The following LACC1 variants were observed in gnomAD, a reference collection of about 807,000 sequenced individuals.
The protein encoded by LACC1 is purine nucleoside phosphorylase LACC1.
A neutral mutation model predicts 34.8 loss-of-function variants in LACC1; 25 were observed. The ratio of observed to expected loss-of-function variants is 0.72; its 90% confidence interval spans 0.52 to 1.00. The LOEUF is 1.00. Ranked by LOEUF, LACC1 falls within the 50% of genes least tolerant of loss-of-function variation. The probability of loss-of-function intolerance (pLI) is 0.00; values close to 1 mark genes in which losing one functional copy is unlikely to be tolerated. For synonymous variants in LACC1, 162 were observed against 168.0 expected, an observed-to-expected ratio of 0.96 and a Z score of 0.28; for missense variants, 426 against 511.2, an observed-to-expected ratio of 0.83 and a Z score of 1.61.
chr13:43,885,470 G>T (rs1955272219), intron 4 of LACC1, among the ~76,000 whole-genome samples: 1 of 152,142 alleles, frequency 6.6e-6, no homozygotes, highest in South Asian at 2.1e-4. Flanking sequence ...ACAACCATCT[G>T]ATCTTTGACA....
chr13:43,890,144 A>G lies in LACC1; in HGVS notation c.1164A>G (p.Pro388=). ...RILLEQGGIL[P]QNIQDQNQDL... ...TTCTAGAACAGGGAGGAATTCTTCC[A>G]CAGAATATTCAGGACCAGAACCAAG... is the stretch of plus-strand genomic sequence containing the variant. Residue 388 remains proline, a synonymous_variant, in exon 6 of 7, where the codon CCA becomes CCG. Transcript: ENST00000325686. The G allele has an allele frequency of 6.2e-7, 1 of 1,612,824 alleles. No individual in the cohort carries two copies. The highest frequency in any genetic ancestry group is 1.1e-5 in the South Asian group (1 of 90,830).
At position 43,881,672 on chromosome 13, in the gene LACC1, A is replaced by G. The variant is rs1020346322; in HGVS notation, c.562+125A>G. ...TGTTGTGGGCTGATTACTCATTAGC[A>G]TCAGTGGCAACACAGAGGTGTCATG... On this transcript the variant is annotated intron_variant, in intron 2 of 6. Coordinates refer to ENST00000325686, the MANE Select transcript of LACC1 (RefSeq NM_153218.4). 4 of 715,240 alleles carry G rather than the reference A, an allele frequency of 5.6e-6. No homozygotes were observed. In the African/African-American group the frequency reaches 7.1e-5, roughly 13 times the overall value. The allele number at this position is 715,240 out of a possible 1,614,324, so 44.3% of individuals were successfully genotyped here.
intron 5 of LACC1, 29 bp downstream of exon 5, chr13:43,889,011 T>C (rs747272151): frequency 1.4e-5 from 22 of 1,526,036 alleles, no homozygotes; most frequent in Non-Finnish European, 1.9e-5. Context: ...AACTGCAAGT[T>C]TGATTATTTC....
At chr13:43,883,221 G>A (rs561698110) in intron 3 of LACC1, among the ~76,000 whole-genome samples, 1 of 152,284 alleles carries the variant, frequency 6.6e-6, no homozygotes, top group South Asian at 2.1e-4. Flanking sequence ...AATTCTAAAA[G>A]TACAGTTAAT....
chr13:43,884,269 C>A (rs1008616010), intron 4 of LACC1, among the ~76,000 whole-genome samples: 6 of 152,096 alleles, frequency 3.9e-5, no homozygotes, highest in Non-Finnish European at 7.4e-5. Flanking sequence ...GTGTCTTTAG[C>A]CCCTGAAATC....
rs192209768 is a variant in LACC1, at chr13:43,893,853, T to C, written c.*2406T>C. On this transcript the variant is annotated 3_prime_UTR_variant, in exon 7 of 7. Transcript: ENST00000325686. ...CATTATTTTGTTTGAAGTTGGTAAA[T>C]TTGGAGTATCCTGCAGACACATTTT... The C allele has an allele frequency of 9.9e-5, 15 of 152,278 alleles. No individual in the cohort carries two copies. The highest frequency in any genetic ancestry group is 3.6e-4 in the African/African-American group (15 of 41,570). 9.4% of individuals were successfully genotyped at this position (152,278 alleles called of 1,614,324 possible). A position where few individuals can be genotyped will look rare whatever the true frequency, so the allele number is the denominator to read the frequency against.
intron 6 of LACC1, 139 bp downstream of exon 6, chr13:43,890,413 T>A (rs1955524388): frequency 1.5e-6 from 1 of 650,810 alleles, no homozygotes; most frequent in South Asian, 2.6e-5. Flanking sequence ...TGTTAAACTT[T>A]ACTCCTTTAT....
In LACC1 at chr13:43,881,156, A is replaced by T. The variant is rs1367590516; in HGVS notation, c.171A>T (p.Glu57Asp). ...CSNISYERDGEQDNCEIETSN... is the reference protein window; with the variant it reads ...CSNISYERDGDQDNCEIETSN... ...ACATCAGCTATGAAAGGGATGGAGA[A>T]CAAGATAATTGTGAAATAGAAACAA... Residue 57 changes from glutamate to aspartate, a missense_variant, in exon 2 of 7, where the codon GAA (glutamate) becomes GAT (aspartate). Physicochemically the swap from Glu to Asp is conservative, Grantham distance 45. Transcript: ENST00000325686. The T allele has an allele frequency of 6.2e-7, 1 of 1,614,232 alleles. No homozygotes were observed. The highest frequency in any genetic ancestry group is 1.1e-5 in the South Asian group (1 of 91,084).
intron 4 of LACC1, among the ~76,000 whole-genome samples, chr13:43,886,460 A>AT: frequency 1.3e-5 from 2 of 152,332 alleles, no homozygotes; most frequent in Middle Eastern, 6.8e-3. Context: ...TTACAGCAAC[A>AT]TAGATGCAGC....
intron 5 of LACC1, 65 bp from the exon 6 acceptor site, chr13:43,890,049 T>C (rs1008328616): frequency 1.4e-6 from 2 of 1,399,268 alleles, no homozygotes; most frequent in African/African-American, 2.9e-5. Flanking sequence ...CATACTTTTT[T>C]TCATATTGCT....
rs1331435806 is a variant in LACC1, at chr13:43,882,188, T to C, written c.566T>C (p.Ile189Thr). 4 of 1,596,142 alleles carry C rather than the reference T, an allele frequency of 2.5e-6. No individual in the cohort carries two copies. The highest frequency in any genetic ancestry group is 3.4e-6 in the Non-Finnish European group (4 of 1,172,988). The change falls in exon 3 of 7, where the codon ATT becomes ACT. Residue 189 changes from isoleucine to threonine, a missense_variant. Ile to Thr is a moderately conservative substitution (Grantham distance 89). Transcript: ENST00000325686. ...TIITSSLIPD[I>T]FIHGFTTRTG... The stretch of plus-strand genomic sequence containing the variant: ...CTTCACTGCTTATCTTCAACAGATA[T>C]TTTCATACATGGATTTACTACAAGA...
chr13:43,883,834 A>G lies in LACC1; in HGVS notation c.805A>G (p.Thr269Ala). 1.2e-6 allele frequency: 2 copies of G among 1,613,684 alleles called. No homozygotes were observed. Among genetic ancestry groups the G allele is most frequent in the African/African-American group, 1.3e-5 (1 of 75,038 alleles). Residue 269 changes from threonine (T) to alanine (A), a missense_variant, in exon 4 of 7, where the codon ACC becomes GCC. Thr to Ala is a moderately conservative substitution (Grantham distance 58). This residue lies in a region of LACC1 where 209 missense variants were observed against 300.3 expected (regional missense o/e 0.70). Transcript: ENST00000325686. ...RKEPDSYDGI[T>A]TNQRGVTIAA... ...GGAGCCTGACTCTTATGATGGAATA[A>G]CCACAAATCAGAGAGGAGTCACAAT...
intron 4 of LACC1, 32 bp downstream of exon 4, chr13:43,883,968 TA>T: frequency 6.3e-7 from 1 of 1,576,686 alleles, no homozygotes; most frequent in Non-Finnish European, 8.6e-7. Context: ...TTTAGAATTT[TA>T]CTCATTTTGT....
chr13:43,883,882 A>G lies in LACC1; in HGVS notation c.853A>G (p.Ile285Val). Reference protein sequence around the residue: ...VTIAALGADCIPIVFADPVKK... With the variant: ...VTIAALGADCVPIVFADPVKK... ...AATAGCAGCTCTTGGTGCAGACTGTATACCGATAGTTTTTGCAGATCCAGT... is the reference window on the plus strand; with the variant it reads ...AATAGCAGCTCTTGGTGCAGACTGTGTACCGATAGTTTTTGCAGATCCAGT... Residue 285 changes from isoleucine to valine, a missense_variant, in exon 4 of 7, where the codon ATA becomes GTA. Around this residue, in one of 2 missense-constraint regions of LACC1, gnomAD observed 209 missense variants for 300.3 expected, o/e 0.70. Coordinates refer to ENST00000325686, the MANE Select transcript of LACC1 (RefSeq NM_153218.4). 2 of 1,613,660 alleles carry G rather than the reference A, an allele frequency of 1.2e-6. No homozygotes were observed. Among genetic ancestry groups the G allele is most frequent in the East Asian group, 2.2e-5 (1 of 44,872 alleles).
intron 3 of LACC1, 30 bp downstream of exon 3, chr13:43,882,393 CTAAAG>C (rs1285167816): frequency 7.1e-6 from 11 of 1,551,042 alleles, no homozygotes; most frequent in Middle Eastern, 1.7e-4. Context: ...TTTGAAAGAT[CTAAAG>C]TATATTTTTT....
chr13:43,886,457 A>G (rs987388148), intron 4 of LACC1, among the ~76,000 whole-genome samples: 2 of 152,200 alleles, frequency 1.3e-5, no homozygotes, highest in Non-Finnish European at 2.9e-5. Context: ...TCCTTACAGC[A>G]ACATAGATGC....
chr13:43,886,029 A>G, intron 4 of LACC1, among the ~76,000 whole-genome samples: 1 of 152,216 alleles, frequency 6.6e-6, no homozygotes, highest in East Asian at 1.9e-4. Context: ...ATCATTAGAG[A>G]AATGCAAATC....
rs752385895 is a variant in LACC1 at position 43,888,801 on chromosome 13, G to A, written c.952G>A (p.Ala318Thr). ...GGGTGTTGCTATGGCTACAGTGAATGCTATGATAGCAGAATATGGCTGCAG... is the reference window on the plus strand; with the variant it reads ...GGGTGTTGCTATGGCTACAGTGAATACTATGATAGCAGAATATGGCTGCAG... ...LLGVAMATVN[A>T]MIAEYGCSLE... The change falls in exon 5 of 7, where the codon GCT (alanine) becomes ACT (threonine). Residue 318 changes from alanine (A) to threonine (T), a missense_variant. Around this residue, in one of 2 missense-constraint regions of LACC1, gnomAD observed 209 missense variants for 300.3 expected, o/e 0.70. Transcript: ENST00000325686. The A allele has an allele frequency of 6.2e-7, 1 of 1,613,888 alleles. No individual in the cohort carries two copies. The highest frequency in any genetic ancestry group is 1.7e-5 in the Admixed American group (1 of 59,994).
At chr13:43,885,867 G>T (rs1226081506) in intron 4 of LACC1, among the ~76,000 whole-genome samples, 1 of 151,666 alleles carries the variant, frequency 6.6e-6, no homozygotes, top group Non-Finnish European at 1.5e-5. Flanking sequence ...CAGCTGAAAA[G>T]GTCTAACACC....
Sources: gnomAD v4.1 joint callset for allele counts (sites outside exome capture counted in the v4.1 genomes callset) on GRCh38, gnomAD v4.1.1 for gene constraint, gnomAD v4.1.1 regional missense constraint, MANE v1.5 for transcripts, NCBI Gene and HGNC (gene_info 2026-07-23, HGNC 2026-07-21) for gene names.